ZMYND8: variants seen among roughly 807,000 people sequenced by gnomAD.
ZMYND8 encodes MYND-type zinc finger-containing chromatin reader ZMYND8.
A neutral mutation model predicts 140.8 loss-of-function variants in ZMYND8; 37 were observed. The ratio of observed to expected loss-of-function variants is 0.26; its 90% CI spans 0.20 to 0.35. The LOEUF is 0.35. Ranked by LOEUF, ZMYND8 falls within the 10% of genes least tolerant of loss-of-function variation. The pLI, the probability that ZMYND8 is intolerant of heterozygous loss-of-function variation, is 1.00. For synonymous variants in ZMYND8, 592 were observed against 597.1 expected, an observed-to-expected ratio of 0.99 and a Z score of 0.12; for missense variants, 1,068 against 1,570.0, an observed-to-expected ratio of 0.68 and a Z score of 5.40.
chr20:47,349,760 C>A, intron 1 of ZMYND8: 1 of 1,461,616 alleles, frequency 6.8e-7, no homozygotes, highest in South Asian at 1.3e-5. Flanking sequence ...TGAAACCGAT[C>A]CCATATTTTG....
chr20:47,305,202 C>T (rs1270599333), intron 3 of ZMYND8, among the ~76,000 whole-genome samples: 1 of 151,670 alleles, frequency 6.6e-6, no homozygotes, highest in Non-Finnish European at 1.5e-5. Context: ...CACAATGACA[C>T]CACTGTACTC....
At position 47,264,664 on chromosome 20, in the gene ZMYND8, T is replaced by TG. The variant is rs11476416; in HGVS notation, c.1481-2237dup. Among the ~76,000 whole-genome samples, 189 of 151,948 alleles carry TG rather than the reference T, an allele frequency of 1.2e-3. 1 individual carries two copies. In the South Asian group the frequency reaches 0.031, roughly 25 times the overall value. ...CACGTGGCATGCCACATTCCTTCACTGGGGGGGGCTGCTATATTATTACTA... is the reference window on the plus strand; with the variant it reads ...CACGTGGCATGCCACATTCCTTCACTGGGGGGGGGCTGCTATATTATTACTA... On this transcript the variant is annotated intron_variant, in intron 11 of 22. Coordinates refer to ENST00000471951, the MANE Select transcript of ZMYND8 (RefSeq NM_001281775.3).
At chr20:47,246,622 C>T in intron 13 of ZMYND8, 105 bp from the exon 14 acceptor site, 1 of 1,441,310 alleles carries the variant, frequency 6.9e-7, no homozygotes, top group Non-Finnish European at 9.1e-7. Flanking sequence ...AAGAAAAGCA[C>T]GTTTCAAATC....
intron 2 of ZMYND8, chr20:47,319,941 A>C (rs1211159587): frequency 7.2e-6 from 1 of 138,294 alleles, no homozygotes; most frequent in African/African-American, 2.7e-5. Flanking sequence ...CCGGAACACC[A>C]CAAAGAATGT....
At chr20:47,331,499 G>C (rs2080942002) in intron 2 of ZMYND8, among the ~76,000 whole-genome samples, 1 of 152,134 alleles carries the variant, frequency 6.6e-6, no homozygotes, top group Non-Finnish European at 1.5e-5. Flanking sequence ...CTGACCCTCT[G>C]CACCATGACT....
chr20:47,236,897 G>A (rs2039307847), intron 15 of ZMYND8, among the ~76,000 whole-genome samples: 1 of 152,122 alleles, frequency 6.6e-6, no homozygotes, highest in Non-Finnish European at 1.5e-5. Context: ...TTCATGAAGT[G>A]CCCGTTAGCA....
At chr20:47,229,676 A>G in intron 17 of ZMYND8, 50 bp downstream of exon 17, 1 of 1,570,136 alleles carries the variant, frequency 6.4e-7, no homozygotes, top group East Asian at 2.2e-5. Context: ...CCTTTAAAGC[A>G]GCCCACAAAA....
chr20:47,333,567 C>T (rs575701302), intron 2 of ZMYND8, among the ~76,000 whole-genome samples: 1 of 151,852 alleles, frequency 6.6e-6, no homozygotes, highest in East Asian at 1.9e-4. Context: ...CTCTACTAAA[C>T]ATACAAAAAT....
chr20:47,281,828 A>G (rs1181297273), intron 10 of ZMYND8, among the ~76,000 whole-genome samples: 1 of 152,222 alleles, frequency 6.6e-6, no homozygotes, highest in South Asian at 2.1e-4. Context: ...AAAGAACAGC[A>G]GCACTTCAAA....
intron 2 of ZMYND8, among the ~76,000 whole-genome samples, chr20:47,325,412 G>A (rs1048559801): frequency 6.6e-6 from 1 of 152,154 alleles, no homozygotes; most frequent in African/African-American, 2.4e-5. Context: ...ACAAAGCCCT[G>A]TACAGGTGGG....
intron 12 of ZMYND8, 54 bp downstream of exon 12, chr20:47,262,234 T>C: frequency 6.2e-7 from 1 of 1,612,654 alleles, no homozygotes; most frequent in African/African-American, 1.3e-5. Context: ...ATACGTCATT[T>C]GCAAAAATAT....
At chr20:47,336,713 G>A (rs1216177841) in intron 2 of ZMYND8, among the ~76,000 whole-genome samples, 3 of 152,204 alleles carry the variant, frequency 2.0e-5, no homozygotes, top group Non-Finnish European at 4.4e-5. Flanking sequence ...CGTTTTGTTG[G>A]GTTCACGCAT....
intron 2 of ZMYND8, among the ~76,000 whole-genome samples, chr20:47,314,330 C>T (rs899294433): frequency 2.0e-5 from 3 of 152,190 alleles, no homozygotes; most frequent in African/African-American, 7.2e-5. Context: ...AAAATCCTGT[C>T]TCTACTAAAA....
intron 1 of ZMYND8, among the ~76,000 whole-genome samples, chr20:47,354,977 A>G (rs1339585012): frequency 6.6e-6 from 1 of 152,144 alleles, no homozygotes; most frequent in East Asian, 1.9e-4. Context: ...CTGGTGGTAG[A>G]TGAGATTTTG....
intron 8 of ZMYND8, chr20:47,285,855 A>C (rs2076885586): frequency 1.0e-6 from 1 of 980,878 alleles, no homozygotes; most frequent in African/African-American, 1.8e-5. Context: ...ACATAAAATA[A>C]ACTAAGTGAG....
At chr20:47,239,244 A>G in intron 14 of ZMYND8, 106 bp from the exon 15 acceptor site, 2 of 1,391,334 alleles carry the variant, frequency 1.4e-6, no homozygotes, top group African/African-American at 2.9e-5. Context: ...GAAAGCCAGG[A>G]ATGCCGAACC....
chr20:47,255,300 C>T (rs1203732857), intron 12 of ZMYND8, among the ~76,000 whole-genome samples: 1 of 151,948 alleles, frequency 6.6e-6, no homozygotes, highest in African/African-American at 2.4e-5. Context: ...TACAGACACG[C>T]TGGCCTTTCA....
chr20:47,347,994 G>T, intron 1 of ZMYND8, 68 bp from the exon 2 acceptor site: 1 of 1,495,378 alleles, frequency 6.7e-7, no homozygotes. Context: ...GCAGCTATTT[G>T]GAAGTTCTAG....
intron 14 of ZMYND8, among the ~76,000 whole-genome samples, chr20:47,245,236 C>G (rs1001016435): frequency 1.3e-5 from 2 of 152,114 alleles, no homozygotes; most frequent in African/African-American, 4.8e-5. Flanking sequence ...ATCATCAAAA[C>G]CTTTGAAATG....
Sources: gnomAD v4.1 joint callset for allele counts (sites outside exome capture counted in the v4.1 genomes callset) on GRCh38, gnomAD v4.1.1 for gene constraint, MANE v1.5 for transcripts, NCBI Gene and HGNC (gene_info 2026-07-23, HGNC 2026-07-21) for gene names.